Variants in PRAMEF12 observed in about 807,000 individuals in gnomAD.
The protein encoded by PRAMEF12 is PRAME family member 12.
In PRAMEF12, 24 loss-of-function variants were observed where a neutral mutation model predicts 24.6. That is an observed-to-expected ratio of 0.98 (90% CI 0.71 to 1.37). PRAMEF12 has a LOEUF of 1.37. PRAMEF12 is among the 40% of genes most tolerant of loss of function. PRAMEF12 has a pLI of 0.00. For missense variants in PRAMEF12, 646 were observed against 580.3 expected, an observed-to-expected ratio of 1.11 and a Z score of -1.16; for synonymous variants, 286 against 242.6, an observed-to-expected ratio of 1.18 and a Z score of -1.66.
At position 12,774,927 on chromosome 1, in the gene PRAMEF12, C is replaced by T. The variant is rs1421396653; in HGVS notation, c.60C>T (p.Asp20=). Residue 20 remains aspartate, a synonymous_variant, in exon 1 of 3, where the codon GAC becomes GAT. Coordinates refer to ENST00000357726, the MANE Select transcript of PRAMEF12 (RefSeq NM_001080830.5). ...TGGCTGAGCAGAGTCTGCTGAGAGACCGGGCCTTGGCCATCCCCACCCTGG... is the reference window on the plus strand; with the variant it reads ...TGGCTGAGCAGAGTCTGCTGAGAGATCGGGCCTTGGCCATCCCCACCCTGG... The part of the protein sequence containing the change: ...LELAEQSLLR[D]RALAIPTLEE... 6.2e-7 allele frequency: 1 copy of T among 1,613,896 alleles called. No homozygotes were observed. Among genetic ancestry groups the T allele is most frequent in the Non-Finnish European group, 8.5e-7 (1 of 1,179,964 alleles).
Position 12,775,940 on chromosome 1 carries a change from A to G in PRAMEF12, c.685A>G (p.Met229Val), listed in dbSNP as rs371931730. 1 of 1,614,128 alleles carries G rather than the reference A, an allele frequency of 6.2e-7. No homozygotes were observed. The highest frequency in any genetic ancestry group is 8.5e-7 in the Non-Finnish European group (1 of 1,180,024). The change falls in exon 2 of 3, where the codon ATG (methionine) becomes GTG (valine). Residue 229 changes from methionine to valine, a missense_variant. Met to Val is a conservative substitution (Grantham distance 21). Coordinates refer to ENST00000357726, the MANE Select transcript of PRAMEF12 (RefSeq NM_001080830.5). ...AAGGTTCGCCCCTTACCTGGGCCAG[A>G]TGAGGAATCTCCGCAAACTTGTTCT... is the stretch of plus-strand genomic sequence containing the variant. ...LIRFAPYLGQMRNLRKLVLFN... is the reference protein window; with the variant it reads ...LIRFAPYLGQVRNLRKLVLFN...
At position 12,775,025 on chromosome 1, in the gene PRAMEF12, C is replaced by A. The variant is rs17346571; in HGVS notation, c.158C>A (p.Thr53Lys). 58,091 of 1,614,006 alleles carry A rather than the reference C, an allele frequency of 0.036. 1,223 individuals carry two copies. Among genetic ancestry groups the A allele is most frequent in the East Asian group, 0.073 (3,280 of 44,852 alleles). Residue 53 changes from threonine to lysine, a missense_variant, in exon 1 of 3, where the codon ACA becomes AAA. Transcript: ENST00000357726. ...ACCAGGAGATGCTGCGAGACCCTGA[C>A]AACTATGGTGCAGGCCTGGCCCTTC... ...AFTRRCCETL[T>K]TMVQAWPFTC... is the part of the protein sequence containing the mutation.
chr1:12,775,686 C>G lies in PRAMEF12; in HGVS notation c.431C>G (p.Pro144Arg), dbSNP rs752804007. ...GNCPRPGGQQ[P>R]LMVILDLCFK... The stretch of plus-strand genomic sequence containing the variant: ...TGTCCAAGGCCGGGTGGGCAGCAGC[C>G]CTTGATGGTGATCCTAGACCTTTGC... The change falls in exon 2 of 3, where the codon CCC becomes CGC. Residue 144 changes from proline (P) to arginine (R), a missense_variant. Transcript: ENST00000357726. 3 of 1,613,776 alleles carry G rather than the reference C, an allele frequency of 1.9e-6. No homozygotes were observed. The highest frequency in any genetic ancestry group is 2.5e-6 in the Non-Finnish European group (3 of 1,179,990).
rs755597651 is a variant in PRAMEF12 at position 12,777,300 on chromosome 1, G to T, written c.1153G>T (p.Gly385Trp). The change falls in exon 3 of 3, where the codon GGG becomes TGG. Residue 385 changes from glycine (G) to tryptophan (W), a missense_variant. Gly to Trp is a radical substitution (Grantham distance 184). Coordinates refer to ENST00000357726, the MANE Select transcript of PRAMEF12 (RefSeq NM_001080830.5). ...CCAGCTCAGCACCTTCAGCTTCTGT[G>T]GGAACCTCATCTCCATGGCCGCCCT... ...CSQLSTFSFC[G>W]NLISMAALEN... is the part of the protein sequence containing the mutation. 27 of 1,612,558 alleles carry T rather than the reference G, an allele frequency of 1.7e-5. No homozygotes were observed. The highest frequency in any genetic ancestry group is 2.3e-5 in the Non-Finnish European group (27 of 1,179,858).
At position 12,775,782 on chromosome 1, in the gene PRAMEF12, T is replaced by G; in HGVS notation, c.527T>G (p.Leu176Arg). ...TGGGGCAAGCAGAGAAAAGGCTTAC[T>G]GCACGTGTGTTGCAAGGAGCTGCAG... ...LEWGKQRKGL[L>R]HVCCKELQIF... is the part of the protein sequence containing the mutation. Residue 176 changes from leucine to arginine, a missense_variant, in exon 2 of 3, where the codon CTG becomes CGG. Coordinates refer to ENST00000357726, the MANE Select transcript of PRAMEF12 (RefSeq NM_001080830.5). The G allele has an allele frequency of 2.5e-6, 4 of 1,613,846 alleles. No homozygotes were observed. Among genetic ancestry groups the G allele is most frequent in the Non-Finnish European group, 3.4e-6 (4 of 1,179,986 alleles).
In PRAMEF12 at chr1:12,777,672, T is replaced by C; in HGVS notation, c.*73T>C. 6.5e-7 allele frequency: 1 copy of C among 1,530,600 alleles called. No individual in the cohort carries two copies. 94.8% of individuals were successfully genotyped at this position (1,530,600 alleles called of 1,614,324 possible). A position where few individuals can be genotyped will look rare whatever the true frequency, so the allele number is the denominator to read the frequency against. On this transcript the variant is annotated 3_prime_UTR_variant, in exon 3 of 3. Transcript: ENST00000357726. Reference sequence around the variant, plus strand: ...TGTCAAAGGGAGCACAGACCCATCGTTTCATATGCCTGCTCAATGTGAACC... The same window carrying C: ...TGTCAAAGGGAGCACAGACCCATCGCTTCATATGCCTGCTCAATGTGAACC...
rs1639079111 is a variant in PRAMEF12 at position 12,777,726 on chromosome 1, G to C, written c.*127G>C. 3 of 1,147,112 alleles carry C rather than the reference G, an allele frequency of 2.6e-6. No individual in the cohort carries two copies. The highest frequency in any genetic ancestry group is 3.7e-6 in the Non-Finnish European group (3 of 816,234). 71.1% of individuals were successfully genotyped at this position (1,147,112 alleles called of 1,614,324 possible). A position where few individuals can be genotyped will look rare whatever the true frequency, so the allele number is the denominator to read the frequency against. On this transcript the variant is annotated 3_prime_UTR_variant, in exon 3 of 3. Coordinates refer to ENST00000357726, the MANE Select transcript of PRAMEF12 (RefSeq NM_001080830.5). ...AAGGAAAGGGGATGCAGGAAGGGAG[G>C]GACTGGGGGAAAAGTTGAGTTGGAG...
chr1:12,777,643 T>G lies in PRAMEF12; in HGVS notation c.*44T>G, dbSNP rs766701617. 1 of 1,605,480 alleles carries G rather than the reference T, an allele frequency of 6.2e-7. No homozygotes were observed. Among genetic ancestry groups the G allele is most frequent in the African/African-American group, 1.3e-5 (1 of 74,616 alleles). On this transcript the variant is annotated 3_prime_UTR_variant, in exon 3 of 3. Coordinates refer to ENST00000357726, the MANE Select transcript of PRAMEF12 (RefSeq NM_001080830.5). ...TGGCAACTGAATCCTAGGCCATGAG[T>G]GTATGTCAAAGGGAGCACAGACCCA...
Position 12,775,920 on chromosome 1 carries a change from T to G in PRAMEF12, c.665T>G (p.Phe222Cys). 6.2e-7 allele frequency: 1 copy of G among 1,614,084 alleles called. No homozygotes were observed. The highest frequency in any genetic ancestry group is 8.5e-7 in the Non-Finnish European group (1 of 1,180,012). ...TGGGAGCTGTCCATTCTTATAAGGT[T>G]CGCCCCTTACCTGGGCCAGATGAGG... ...CPWELSILIR[F>C]APYLGQMRNL... Residue 222 changes from phenylalanine to cysteine, a missense_variant, in exon 2 of 3, where the codon TTC becomes TGC. By Grantham distance (205) the Phe-to-Cys change is radical (BLOSUM62 -2). Coordinates refer to ENST00000357726, the MANE Select transcript of PRAMEF12 (RefSeq NM_001080830.5).
chr1:12,775,540 C>T lies in PRAMEF12; in HGVS notation c.288-3C>T, dbSNP rs777643827. On this transcript the variant is annotated splice_polypyrimidine_tract_variant and splice_region_variant and intron_variant, in intron 1 of 2. Coordinates refer to ENST00000357726, the MANE Select transcript of PRAMEF12 (RefSeq NM_001080830.5). Reference sequence around the variant, plus strand: ...TGGAGCCTCTCTTCTCTTTTACCCACAGGCGGTGGAAACTTCAAGTGTTGG... The same window carrying T: ...TGGAGCCTCTCTTCTCTTTTACCCATAGGCGGTGGAAACTTCAAGTGTTGG... 1.2e-6 allele frequency: 2 copies of T among 1,604,002 alleles called. No homozygotes were observed. The highest frequency in any genetic ancestry group is 1.1e-5 in the South Asian group (1 of 90,196).
In PRAMEF12 at chr1:12,775,128, A is replaced by C. The variant is rs1307666709; in HGVS notation, c.261A>C (p.Ala87=). Residue 87 remains alanine (A), a synonymous_variant, in exon 1 of 3, where the codon GCA becomes GCC. Transcript: ENST00000357726. ...GAGCTGTGCTGGAGGGGCTTGATGC[A>C]CTGCTTGCCCAGAAGGTTCGCCCCA... is the stretch of plus-strand genomic sequence containing the variant. ...IFRAVLEGLD[A]LLAQKVRPRR... is the part of the protein sequence containing the mutation. 17 of 1,612,808 alleles carry C rather than the reference A, an allele frequency of 1.1e-5. No homozygotes were observed. The highest frequency in any genetic ancestry group is 1.4e-5 in the Non-Finnish European group (16 of 1,179,358).
Position 12,777,230 on chromosome 1 carries a change from G to A in PRAMEF12, c.1083G>A (p.Val361=), listed in dbSNP as rs1334386069. 1.2e-6 allele frequency: 2 copies of A among 1,612,478 alleles called. No homozygotes were observed. The highest frequency in any genetic ancestry group is 2.7e-5 in the African/African-American group (2 of 74,862). The part of the protein sequence containing the change: ...QTLDLEDCGI[V]DSQLSAILPA... ...TGGACTTAGAGGACTGTGGGATCGTGGATTCCCAACTCAGCGCCATCCTGC... is the reference window on the plus strand; with the variant it reads ...TGGACTTAGAGGACTGTGGGATCGTAGATTCCCAACTCAGCGCCATCCTGC... The change falls in exon 3 of 3, where the codon GTG becomes GTA. Residue 361 remains valine, a synonymous_variant. Transcript: ENST00000357726.
Position 12,777,164 on chromosome 1 carries a change from C to T in PRAMEF12, c.1017C>T (p.Leu339=). The T allele has an allele frequency of 6.2e-7, 1 of 1,613,782 alleles. No homozygotes were observed. Among genetic ancestry groups the T allele is most frequent in the Non-Finnish European group, 8.5e-7 (1 of 1,180,034 alleles). The part of the protein sequence containing the change: ...ITLTHFSPEP[L]SVLLEQAEAT... Reference sequence around the variant, plus strand: ...TGACCCATTTCAGTCCTGAGCCCCTCTCAGTTCTGCTGGAGCAAGCTGAGG... The same window carrying T: ...TGACCCATTTCAGTCCTGAGCCCCTTTCAGTTCTGCTGGAGCAAGCTGAGG... Residue 339 remains leucine, a synonymous_variant, in exon 3 of 3, where the codon CTC becomes CTT. Coordinates refer to ENST00000357726, the MANE Select transcript of PRAMEF12 (RefSeq NM_001080830.5).
In PRAMEF12 at chr1:12,774,753, TG is replaced by T. The variant is rs1639022042; in HGVS notation, c.-111del. On this transcript the variant is annotated 5_prime_UTR_variant, in exon 1 of 3. The change abolishes the stop of an existing upstream ORF in the 5' untranslated region. Coordinates refer to ENST00000357726, the MANE Select transcript of PRAMEF12 (RefSeq NM_001080830.5). ...GTGTCCAGAAAGTGCAGAGTGGAAT[TG>T]GGGTGAACTAATTACCTTTCCACCT... The T allele has an allele frequency of 3.0e-6, 3 of 984,288 alleles. No homozygotes were observed. The South Asian group carries it at 5.0e-5, about 16-fold the overall frequency. 61.0% of individuals were successfully genotyped at this position (984,288 alleles called of 1,614,324 possible).
Position 12,775,807 on chromosome 1 carries a change from G to T in PRAMEF12, c.552G>T (p.Gln184His). 4 of 1,613,996 alleles carry T rather than the reference G, an allele frequency of 2.5e-6. No homozygotes were observed. Among genetic ancestry groups the T allele is most frequent in the Non-Finnish European group, 3.4e-6 (4 of 1,180,010 alleles). The change falls in exon 2 of 3, where the codon CAG (glutamine) becomes CAT (histidine). Residue 184 changes from glutamine to histidine, a missense_variant. Gln to His is a conservative substitution (Grantham distance 24). Transcript: ENST00000357726. ...GLLHVCCKELQIFGIAIHRII... is the reference protein window; with the variant it reads ...GLLHVCCKELHIFGIAIHRII... Reference sequence around the variant, plus strand: ...TGCACGTGTGTTGCAAGGAGCTGCAGATTTTTGGAATAGCCATCCACAGGA... The same window carrying T: ...TGCACGTGTGTTGCAAGGAGCTGCATATTTTTGGAATAGCCATCCACAGGA...
In PRAMEF12 at chr1:12,775,981, C is replaced by G; in HGVS notation, c.726C>G (p.Val242=). The change falls in exon 2 of 3, where the codon GTC becomes GTG. Residue 242 remains valine (V), a synonymous_variant. Transcript: ENST00000357726. ...AACTTGTTCTCTTCAACATCCATGT[C>G]TCTGCCTGCATTCCCCTAGACAGGA... is the stretch of plus-strand genomic sequence containing the variant. ...LRKLVLFNIH[V]SACIPLDRKE... is the part of the protein sequence containing the mutation. 1 of 1,614,174 alleles carries G rather than the reference C, an allele frequency of 6.2e-7. No individual in the cohort carries two copies. The highest frequency in any genetic ancestry group is 8.5e-7 in the Non-Finnish European group (1 of 1,180,038).
rs919682423 is a variant in PRAMEF12, at chr1:12,774,111, G to T, written c.-757G>T. 3.9e-5 allele frequency among the ~76,000 whole-genome samples: 6 copies of T among 151,994 alleles called. No individual in the cohort carries two copies. The highest frequency in any genetic ancestry group is 1.2e-4 in the African/African-American group (5 of 41,344). On this transcript the variant is annotated 5_prime_UTR_variant, in exon 1 of 3. Transcript: ENST00000357726. ...TATTTCGTGACATTTGAAATAATTGGTTTTTGTGCCCTTAAATTATAGTTC... is the reference window on the plus strand; with the variant it reads ...TATTTCGTGACATTTGAAATAATTGTTTTTTGTGCCCTTAAATTATAGTTC...
chr1:12,775,043 G>A lies in PRAMEF12; in HGVS notation c.176G>A (p.Trp59Ter). The A allele has an allele frequency of 1.2e-6, 2 of 1,614,148 alleles. No individual in the cohort carries two copies. Among genetic ancestry groups the A allele is most frequent in the Non-Finnish European group, 8.5e-7 (1 of 1,180,014 alleles). ...CETLTTMVQA[W>*]PFTCLPLGSL... is the part of the protein sequence containing the mutation. ...ACCCTGACAACTATGGTGCAGGCCT[G>A]GCCCTTCACCTGCCTTCCTCTAGGG... Residue 59 changes from tryptophan to a stop codon, truncating the protein, a stop_gained, in exon 1 of 3, where the codon TGG (tryptophan) becomes TAG (stop). Transcript: ENST00000357726. LOFTEE classifies it high-confidence loss of function.
At chr1:12,776,395 G>A (rs1323980666) in intron 2 of PRAMEF12, among the ~76,000 whole-genome samples, 2 of 152,142 alleles carry the variant, frequency 1.3e-5, no homozygotes, top group Non-Finnish European at 2.9e-5. Flanking sequence ...GGGTGCATTC[G>A]TGAATTCCTC....
Sources: gnomAD v4.1 joint callset for allele counts (sites outside exome capture counted in the v4.1 genomes callset) on GRCh38, gnomAD v4.1.1 for gene constraint, MANE v1.5 for transcripts, NCBI Gene and HGNC (gene_info 2026-07-23, HGNC 2026-07-21) for gene names.